HCLS1: variants seen among roughly 807,000 people sequenced by gnomAD.
HCLS1 encodes the protein hematopoietic lineage cell-specific protein.
Under a neutral mutation model 68.6 loss-of-function variants are expected in HCLS1, and 44 were observed. The ratio of observed to expected loss-of-function variants is 0.64; its 90% CI spans 0.50 to 0.82. HCLS1 has a LOEUF of 0.82. Among genes scored for constraint, HCLS1 ranks in the 40% least tolerant of loss-of-function variants. HCLS1 has a pLI of 0.00. For missense variants in HCLS1, 602 were observed against 612.1 expected (o/e 0.98, Z 0.17); for synonymous variants, 217 against 225.8 (o/e 0.96, Z 0.35).
Position 121,633,145 on chromosome 3 carries a change from T to C in HCLS1, c.930A>G (p.Pro310=), listed in dbSNP as rs147587662. The C allele has an allele frequency of 3.2e-5, 52 of 1,611,500 alleles. No individual in the cohort carries two copies. Among genetic ancestry groups the C allele is most frequent in the Non-Finnish European group, 4.4e-5 (52 of 1,178,862 alleles). The change falls in exon 11 of 14, where the codon CCA becomes CCG. Residue 310 remains proline (P), a synonymous_variant. Transcript: ENST00000314583. ...TTCTCACAGGCTCAGACTCTGATGA[T>C]GGAGGAGTCCCAACTGGAGGCCAGG... The part of the protein sequence containing the change: ...SEAWPPVGTP[P]SSESEPVRTS...
Position 121,632,554 on chromosome 3 carries a change from C to T in HCLS1, c.1018G>A (p.Glu340Lys). Residue 340 changes from glutamate to lysine, a missense_variant, in exon 12 of 14, where the codon GAG becomes AAG. By Grantham distance (56) the Glu-to-Lys change is moderately conservative. Coordinates refer to ENST00000314583, the MANE Select transcript of HCLS1 (RefSeq NM_005335.6). ...GTCCTAGGGGGCAGAGCTGGGGGCT[C>T]CTCATTGTCCTGAGAAGAGACAGTG... ...IRQTLPEDNE[E>K]PPALPPRTLE... 6.2e-7 allele frequency: 1 copy of T among 1,612,234 alleles called. No homozygotes were observed. The highest frequency in any genetic ancestry group is 8.5e-7 in the Non-Finnish European group (1 of 1,179,888).
At chr3:121,635,702 G>A (rs1343028908) in intron 9 of HCLS1, 33 bp downstream of exon 9, 2 of 1,527,758 alleles carry the variant, frequency 1.3e-6, no homozygotes, top group Middle Eastern at 1.7e-4. Context: ...AGAAGGAAGT[G>A]AGGTGCATGG....
intron 3 of HCLS1, among the ~76,000 whole-genome samples, chr3:121,652,194 T>C (rs1937765933): frequency 6.6e-6 from 1 of 152,214 alleles, no homozygotes. Flanking sequence ...AAAACTAATC[T>C]ATAGTGACAA....
At chr3:121,642,773 C>A (rs570386198) in intron 6 of HCLS1, among the ~76,000 whole-genome samples, 154 bp downstream of exon 6, 8 of 152,236 alleles carry the variant, frequency 5.3e-5, no homozygotes, top group African/African-American at 1.9e-4. Flanking sequence ...AAGACCCTGT[C>A]TCAAAAACAA....
rs1937876246 is a variant in HCLS1 at position 121,656,573 on chromosome 3, G to GT, written c.158+705dup. 5.9e-5 allele frequency among the ~76,000 whole-genome samples: 9 copies of GT among 152,132 alleles called. No homozygotes were observed. In the South Asian group the frequency reaches 1.9e-3, roughly 32 times the overall value. On this transcript the variant is annotated intron_variant, in intron 3 of 13. Coordinates refer to ENST00000314583, the MANE Select transcript of HCLS1 (RefSeq NM_005335.6). ...TTATCTTCTGGTATCGGAGGGTTTT[G>GT]TTTGTTTGTTTGTTTCTGGTAAAAT...
intron 6 of HCLS1, 84 bp from the exon 7 acceptor site, chr3:121,637,340 T>C: frequency 3.4e-6 from 3 of 884,816 alleles, no homozygotes; most frequent in Non-Finnish European, 5.8e-6. Context: ...TCAGCAGGAA[T>C]GGGTACAGAG....
At chr3:121,644,757 G>T in intron 5 of HCLS1, 61 bp downstream of exon 5, 1 of 1,130,904 alleles carries the variant, frequency 8.8e-7, no homozygotes, top group Non-Finnish European at 1.4e-6. Flanking sequence ...ATCCAGGGGT[G>T]ATCGTGGGCA....
intron 4 of HCLS1, among the ~76,000 whole-genome samples, chr3:121,645,807 AG>A (rs2049240939): frequency 6.7e-6 from 1 of 149,232 alleles, no homozygotes; most frequent in Admixed American, 6.8e-5. Context: ...CTAGAACAAA[AG>A]TATCTGGGTG....
intron 3 of HCLS1, chr3:121,656,224 T>C (rs1937867782): frequency 6.6e-6 from 1 of 152,214 alleles, no homozygotes; most frequent in South Asian, 2.1e-4. Flanking sequence ...TTTCACAGTA[T>C]GTTGCTTGTG....
At chr3:121,638,894 A>C (rs2049173135) in intron 6 of HCLS1, among the ~76,000 whole-genome samples, 1 of 152,120 alleles carries the variant, frequency 6.6e-6, no homozygotes, top group African/African-American at 2.4e-5. Flanking sequence ...TAAAAGAAAA[A>C]TGTAAAAAAC....
chr3:121,645,908 T>G (rs1407208769), intron 4 of HCLS1, among the ~76,000 whole-genome samples: 1 of 142,918 alleles, frequency 7.0e-6, no homozygotes, highest in Non-Finnish European at 1.5e-5. Flanking sequence ...TGTTATATCA[T>G]ATAATTATAA....
At chr3:121,656,699 T>C (rs1483127424) in intron 3 of HCLS1, among the ~76,000 whole-genome samples, 2 of 152,252 alleles carry the variant, frequency 1.3e-5, no homozygotes, top group Non-Finnish European at 2.9e-5. Context: ...TTACCATTCA[T>C]GGCTTCCAAC....
rs1937739901 is a variant in HCLS1 at position 121,651,065 on chromosome 3, G to T, written c.159-3617C>A. Among the ~76,000 whole-genome samples, 3 of 152,156 alleles carry T rather than the reference G, an allele frequency of 2.0e-5. No individual in the cohort carries two copies. The South Asian group carries it at 6.2e-4, about 32-fold the overall frequency. The stretch of plus-strand genomic sequence containing the variant: ...CAGCAGAATCGCTTGAACCCAGGAG[G>T]CAGAGGTTGCAGTGAGCTGAGATCA... On this transcript the variant is annotated intron_variant, in intron 3 of 13. Coordinates refer to ENST00000314583, the MANE Select transcript of HCLS1 (RefSeq NM_005335.6).
At chr3:121,638,717 A>G (rs567106685) in intron 6 of HCLS1, among the ~76,000 whole-genome samples, 2 of 152,344 alleles carry the variant, frequency 1.3e-5, no homozygotes, top group South Asian at 2.1e-4. Context: ...GGAAAGAGTA[A>G]GCATAAGAAA....
rs144589441 is a variant in HCLS1, at chr3:121,635,752, G to A, written c.674C>T (p.Thr225Met). 63 of 1,613,914 alleles carry A rather than the reference G, an allele frequency of 3.9e-5. No homozygotes were observed. The African/African-American group carries it at 5.5e-4, about 14-fold the overall frequency. ...MEAPTTAYKK[T>M]TPIEAASSGT... ...AGCCTCACCGGCTTCTATGGGCGTC[G>A]TCTTCTTATAAGCTGTGGTCGGGGC... Residue 225 changes from threonine (T) to methionine (M), a missense_variant, in exon 9 of 14, where the codon ACG becomes ATG. Coordinates refer to ENST00000314583, the MANE Select transcript of HCLS1 (RefSeq NM_005335.6).
intron 7 of HCLS1, among the ~76,000 whole-genome samples, chr3:121,636,889 C>T (rs1307660518): frequency 6.6e-6 from 1 of 152,064 alleles, no homozygotes; most frequent in African/African-American, 2.4e-5. Flanking sequence ...GCTTGTCTGT[C>T]CTCATTCCTT....
chr3:121,657,799 C>A (rs1448883592), intron 2 of HCLS1, among the ~76,000 whole-genome samples: 1 of 152,130 alleles, frequency 6.6e-6, no homozygotes, highest in Non-Finnish European at 1.5e-5. Context: ...CGTACTCCAG[C>A]CTGGGTGACA....
At chr3:121,640,756 C>G (rs1040129977) in intron 6 of HCLS1, among the ~76,000 whole-genome samples, 2 of 130,690 alleles carry the variant, frequency 1.5e-5, no homozygotes, top group Non-Finnish European at 3.2e-5. Context: ...AAGACTTTAT[C>G]TAAAAAAAGA....
At position 121,631,948 on chromosome 3, in the gene HCLS1, G is replaced by A. The variant is rs148435056; in HGVS notation, c.1359C>T (p.Asp453=). The change falls in exon 14 of 14, where the codon GAC becomes GAT. Residue 453 remains aspartate (D), a synonymous_variant. Transcript: ENST00000314583. ...CCACCATCTCAATGTCAGTGATTAC[G>A]TCGTCCGGATCAAAGGAAAGCTCAT... ...GSDELSFDPD[D]VITDIEMVDE... 5.1e-5 allele frequency: 83 copies of A among 1,614,078 alleles called. No individual in the cohort carries two copies. The highest frequency in any genetic ancestry group is 5.9e-5 in the Non-Finnish European group (70 of 1,180,034).
Sources: gnomAD v4.1 joint callset for allele counts (sites outside exome capture counted in the v4.1 genomes callset) on GRCh38, gnomAD v4.1.1 for gene constraint, MANE v1.5 for transcripts, NCBI Gene and HGNC (gene_info 2026-07-23, HGNC 2026-07-21) for gene names.